The following RIC8B variants were observed in gnomAD, a reference collection of about 807,000 sequenced individuals.
The protein encoded by RIC8B is RIC8 guanine nucleotide exchange factor B, also known as chaperone Ric-8B.
Under a neutral mutation model 57.5 loss-of-function variants are expected in RIC8B, and 16 were observed. The ratio of observed to expected loss-of-function variants is 0.28; its 90% CI spans 0.19 to 0.42. The LOEUF (loss-of-function observed/expected upper bound fraction) is 0.42. RIC8B is among the 10% of genes least tolerant of loss of function. The probability of loss-of-function intolerance (pLI) is 1.00; values close to 1 mark genes in which losing one functional copy is unlikely to be tolerated. For synonymous variants in RIC8B, 216 were observed against 250.8 expected (o/e 0.86, Z 1.31); for missense variants, 481 against 677.0 (o/e 0.71, Z 3.21).
intron 9 of RIC8B, among the ~76,000 whole-genome samples, chr12:106,873,826 T>A (rs1263007234): frequency 1.3e-5 from 2 of 152,224 alleles, no homozygotes; most frequent in African/African-American, 4.8e-5. Context: ...ACAGGAAAGC[T>A]AGCATTTGTG....
chr12:106,814,652 T>A, intron 2 of RIC8B, 44 bp from the exon 3 acceptor site: 3 of 1,538,508 alleles, frequency 1.9e-6, no homozygotes, highest in Non-Finnish European at 2.6e-6. Context: ...GTTAAGTCAT[T>A]TGAGCCAAAT....
At chr12:106,820,345 C>T (rs12301384) in intron 3 of RIC8B, among the ~76,000 whole-genome samples, 198 of 152,300 alleles carry the variant, frequency 1.3e-3, no homozygotes, top group African/African-American at 4.6e-3. Context: ...GGAAATGTAG[C>T]TAGCCTTATT....
intron 2 of RIC8B, among the ~76,000 whole-genome samples, chr12:106,785,563 A>AT (rs144815459): frequency 0.018 from 2,746 of 152,286 alleles, 46 homozygotes; most frequent in Middle Eastern, 0.048. Context: ...TATTTATTGG[A>AT]TGAGTGACCA....
intron 4 of RIC8B, among the ~76,000 whole-genome samples, chr12:106,832,631 T>C (rs1004916315): frequency 6.6e-6 from 1 of 152,094 alleles, no homozygotes; most frequent in African/African-American, 2.4e-5. Flanking sequence ...TGCCATTATA[T>C]ACCCAACACC....
At chr12:106,868,251 A>T (rs1950222553) in intron 8 of RIC8B, 1 of 455,708 alleles carries the variant, frequency 2.2e-6, no homozygotes, top group Non-Finnish European at 4.4e-6. Flanking sequence ...ATGTGTGCAA[A>T]TGTCATTATA....
chr12:106,808,652 A>G (rs1314247974), intron 2 of RIC8B, among the ~76,000 whole-genome samples: 1 of 152,186 alleles, frequency 6.6e-6, no homozygotes, highest in South Asian at 2.1e-4. Context: ...TTATGTACCT[A>G]TCTCAACATG....
At position 106,879,068 on chromosome 12, in the gene RIC8B, A is replaced by G; in HGVS notation, c.1572-6836A>G. The G allele has an allele frequency of 1.0e-6, 1 of 985,712 alleles. No homozygotes were observed. The highest frequency in any genetic ancestry group is 1.2e-6 in the Non-Finnish European group (1 of 829,892). 61.1% of individuals were successfully genotyped at this position (985,712 alleles called of 1,614,324 possible). On this transcript the variant is annotated intron_variant, in intron 9 of 9. Coordinates refer to ENST00000392837, the MANE Select transcript of RIC8B (RefSeq NM_001330145.2). This position sits in a 1 kb window ranked among gnomAD's most constrained non-coding sequence, Gnocchi z 4.9. ...AAAGAAGAGCCCTTGAAAACAAGGG[A>G]ATGATTTTTGAGTCGTTATCAAGCT...
intron 3 of RIC8B, among the ~76,000 whole-genome samples, chr12:106,820,651 A>T (rs564440990): frequency 2.6e-5 from 4 of 152,340 alleles, no homozygotes; most frequent in African/African-American, 7.2e-5. Flanking sequence ...GAAACAGACA[A>T]CCCAGTGCAC....
intron 8 of RIC8B, among the ~76,000 whole-genome samples, chr12:106,869,131 G>C (rs977273533): frequency 1.3e-5 from 2 of 152,100 alleles, no homozygotes; most frequent in African/African-American, 4.8e-5. Flanking sequence ...TTCTAATGGG[G>C]GAAAAGTTTT....
At chr12:106,793,469 A>G (rs575554108) in intron 2 of RIC8B, among the ~76,000 whole-genome samples, 4 of 152,212 alleles carry the variant, frequency 2.6e-5, no homozygotes, top group African/African-American at 9.6e-5. Context: ...ATATAGGTTA[A>G]CCCAAAGGCC....
intron 2 of RIC8B, among the ~76,000 whole-genome samples, chr12:106,808,033 T>C (rs958846512): frequency 3.4e-5 from 5 of 147,158 alleles, no homozygotes; most frequent in South Asian, 2.1e-4. Context: ...TGCAGTGAGC[T>C]GAGATCGCAC....
In RIC8B at chr12:106,804,961, A is replaced by G. The variant is rs564655016; in HGVS notation, c.133-9735A>G. Among the ~76,000 whole-genome samples, 33 of 152,354 alleles carry G rather than the reference A, an allele frequency of 2.2e-4. No individual in the cohort carries two copies. In the South Asian group the frequency reaches 6.0e-3, roughly 28 times the overall value. On this transcript the variant is annotated intron_variant, in intron 2 of 9. Transcript: ENST00000392837. ...GAAGACGTTTTGAATCCAGGAAGTA[A>G]CATGAGAAAAGGCACAGAAGTTTGG...
chr12:106,828,205 T>G (rs1202288820), intron 4 of RIC8B, among the ~76,000 whole-genome samples: 1 of 152,204 alleles, frequency 6.6e-6, no homozygotes, highest in African/African-American at 2.4e-5. Context: ...TCTCAGAGGC[T>G]TTCCTGGGAG....
intron 8 of RIC8B, among the ~76,000 whole-genome samples, chr12:106,868,766 GAC>G (rs56293147): frequency 0.13 from 16,066 of 122,646 alleles, 1,133 homozygotes; most frequent in East Asian, 0.24. Flanking sequence ...AGGCACTCTA[GAC>G]ACACACACAC....
intron 4 of RIC8B, among the ~76,000 whole-genome samples, chr12:106,841,646 T>C (rs951761592): frequency 6.6e-6 from 1 of 152,154 alleles, no homozygotes; most frequent in Non-Finnish European, 1.5e-5. Flanking sequence ...TTAGATCTGC[T>C]TCTCTGTCAC....
At chr12:106,875,110 A>C (rs1034236262) in intron 9 of RIC8B, among the ~76,000 whole-genome samples, 7 of 152,168 alleles carry the variant, frequency 4.6e-5, no homozygotes, top group African/African-American at 1.4e-4. Flanking sequence ...AGATGTCATA[A>C]AATTCAGGGC....
chr12:106,886,608 T>C lies in RIC8B; in HGVS notation c.*593T>C, dbSNP rs1951193721. The C allele has an allele frequency of 6.6e-6, 1 of 152,644 alleles. No homozygotes were observed. The highest frequency in any genetic ancestry group is 2.1e-4 in the South Asian group (1 of 4,830). The allele number at this position is 152,644 out of a possible 1,614,324, so 9.5% of individuals were successfully genotyped here. On this transcript the variant is annotated 3_prime_UTR_variant, in exon 10 of 10. Transcript: ENST00000392837. ...TATACTCTAAAAGTTTGTATGTCAGTTAGCTAAAACTTCAGAATACATTTC... is the reference window on the plus strand; with the variant it reads ...TATACTCTAAAAGTTTGTATGTCAGCTAGCTAAAACTTCAGAATACATTTC...
chr12:106,838,550 AAGAG>A (rs1427240948), intron 4 of RIC8B, among the ~76,000 whole-genome samples: 3 of 151,610 alleles, frequency 2.0e-5, no homozygotes, highest in Admixed American at 6.6e-5. Flanking sequence ...AAAAAAAAAA[AAGAG>A]GGAGGAGGAG....
intron 7 of RIC8B, among the ~76,000 whole-genome samples, chr12:106,856,749 C>T (rs1263611101): frequency 6.6e-6 from 1 of 152,134 alleles, no homozygotes; most frequent in Non-Finnish European, 1.5e-5. Context: ...CTTTGGATCC[C>T]CAGTGCTTAA....
Sources: gnomAD v4.1 joint callset for allele counts (sites outside exome capture counted in the v4.1 genomes callset) on GRCh38, gnomAD v4.1.1 for gene constraint, Gnocchi (gnomAD v3.1) non-coding constraint, MANE v1.5 for transcripts, NCBI Gene and HGNC (gene_info 2026-07-23, HGNC 2026-07-21) for gene names.